RANBP17: variants seen among roughly 807,000 people sequenced by gnomAD.
RANBP17 encodes RAN binding protein 17.
In RANBP17, 158 loss-of-function variants were observed where a neutral mutation model predicts 141.2. That is an observed-to-expected ratio of 1.12 (90% CI 0.98 to 1.28). The LOEUF is 1.28. RANBP17 is among the 50% of genes most tolerant of loss of function. The pLI, the probability that RANBP17 is intolerant of heterozygous loss-of-function variation, is 0.00. For synonymous variants in RANBP17, 430 were observed against 450.0 expected, an observed-to-expected ratio of 0.96 and a Z score of 0.56; for missense variants, 1,438 against 1,290.7, an observed-to-expected ratio of 1.11 and a Z score of -1.75.
At chr5:170,994,272 AT>A in intron 14 of RANBP17, among the ~76,000 whole-genome samples, 1 of 152,030 alleles carries the variant, frequency 6.6e-6, no homozygotes, top group South Asian at 2.1e-4. Flanking sequence ...AAGGAAAATT[AT>A]TTGAATTGGT....
rs1772776594 is a variant in RANBP17 at position 170,924,729 on chromosome 5, T to G, written c.1468+179T>G. On this transcript the variant is annotated intron_variant, in intron 12 of 27. Transcript: ENST00000523189. ...TTGGTAATTTGTTGGTTGATTTTTT[T>G]TTTTTTCAGTTTTCCTCTATAAGAT... The G allele has an allele frequency of 6.5e-6, 3 of 464,850 alleles. No individual in the cohort carries two copies. The South Asian group carries it at 1.5e-4, about 23-fold the overall frequency. The allele number at this position is 464,850 out of a possible 1,614,324, so 28.8% of individuals were successfully genotyped here.
At chr5:171,057,425 C>CT (rs1783468681) in intron 14 of RANBP17, among the ~76,000 whole-genome samples, 1 of 151,748 alleles carries the variant, frequency 6.6e-6, no homozygotes, top group Non-Finnish European at 1.5e-5. Flanking sequence ...TTGCATTTTG[C>CT]TTTTTTCACT....
At chr5:171,023,264 A>G (rs1005776482) in intron 14 of RANBP17, among the ~76,000 whole-genome samples, 8 of 152,164 alleles carry the variant, frequency 5.3e-5, no homozygotes, top group African/African-American at 1.9e-4. Flanking sequence ...TACTTCCTCA[A>G]TGGTATTACA....
chr5:171,041,231 TA>T lies in RANBP17; in HGVS notation c.1710+72856del, dbSNP rs1351959412. Among the ~76,000 whole-genome samples, 8 of 152,096 alleles carry T rather than the reference TA, an allele frequency of 5.3e-5. 1 individual carries two copies. Among genetic ancestry groups the T allele is most frequent in the Non-Finnish European group, 1.0e-4 (7 of 68,016 alleles). ...CTGTAAAAATTGGGGGTCATGTTAT[TA>T]ATTATTTGTTATTTATTTATTATTA... On this transcript the variant is annotated intron_variant, in intron 14 of 27. Transcript: ENST00000523189.
Position 170,968,386 on chromosome 5 carries a change from CT to C in RANBP17, c.1710+10del. ...TTCAAAGAACCTCAAAGGTAGGTTTCTACTAGAGAGTTTAAAACATGTTATT... is the reference window on the plus strand; with the variant it reads ...TTCAAAGAACCTCAAAGGTAGGTTTCACTAGAGAGTTTAAAACATGTTATT... On this transcript the variant is annotated intron_variant, in intron 14 of 27. Coordinates refer to ENST00000523189, the MANE Select transcript of RANBP17 (RefSeq NM_022897.5). 6.2e-7 allele frequency: 1 copy of C among 1,602,558 alleles called. No individual in the cohort carries two copies. The highest frequency in any genetic ancestry group is 8.5e-7 in the Non-Finnish European group (1 of 1,174,608).
intron 23 of RANBP17, 109 bp downstream of exon 23, chr5:171,241,251 G>A (rs186890030): frequency 2.6e-6 from 2 of 760,996 alleles, no homozygotes; most frequent in Admixed American, 2.8e-5. Context: ...AACATTTTAT[G>A]TTTTAAGACA....
At chr5:171,059,058 T>C (rs1361347588) in intron 14 of RANBP17, among the ~76,000 whole-genome samples, 1 of 151,860 alleles carries the variant, frequency 6.6e-6, no homozygotes, top group Non-Finnish European at 1.5e-5. Context: ...AGATTCTGGA[T>C]ATTAGCCCTT....
intron 14 of RANBP17, among the ~76,000 whole-genome samples, chr5:171,146,175 C>A (rs946791494): frequency 3.3e-5 from 5 of 152,004 alleles, no homozygotes; most frequent in Non-Finnish European, 5.9e-5. Flanking sequence ...AGGATAAAGA[C>A]CTAATTTATC....
At chr5:171,149,588 G>C (rs569914919) in intron 14 of RANBP17, among the ~76,000 whole-genome samples, 1 of 152,300 alleles carries the variant, frequency 6.6e-6, no homozygotes, top group African/African-American at 2.4e-5. Context: ...CTTTCTTACA[G>C]TGTCCAGAAG....
At chr5:170,896,646 A>G (rs977394831) in intron 5 of RANBP17, among the ~76,000 whole-genome samples, 2 of 152,248 alleles carry the variant, frequency 1.3e-5, no homozygotes, top group East Asian at 1.9e-4. Flanking sequence ...CCTGGCCAAC[A>G]TGGAGAAACC....
At chr5:171,191,303 T>C (rs866835288) in intron 18 of RANBP17, among the ~76,000 whole-genome samples, 1 of 152,074 alleles carries the variant, frequency 6.6e-6, no homozygotes. Context: ...TAAAAATATA[T>C]AGTTTATAAA....
intron 14 of RANBP17, among the ~76,000 whole-genome samples, chr5:171,143,884 A>G (rs976959198): frequency 3.3e-5 from 5 of 152,218 alleles, no homozygotes; most frequent in African/African-American, 9.6e-5. Context: ...AGGGAACAGT[A>G]GACAGAAAGC....
intron 14 of RANBP17, among the ~76,000 whole-genome samples, chr5:170,993,156 A>G (rs907892310): frequency 3.9e-5 from 6 of 152,062 alleles, no homozygotes; most frequent in African/African-American, 1.2e-4. Flanking sequence ...CTTGTCCATT[A>G]TATGTTAAAC....
At chr5:171,282,732 G>A (rs748596654) in intron 25 of RANBP17, among the ~76,000 whole-genome samples, 1 of 151,850 alleles carries the variant, frequency 6.6e-6, no homozygotes, top group Admixed American at 6.6e-5. Flanking sequence ...CACCTGCCTC[G>A]GCCTCCCAAA....
At chr5:171,035,327 A>G (rs1005753341) in intron 14 of RANBP17, among the ~76,000 whole-genome samples, 5 of 152,168 alleles carry the variant, frequency 3.3e-5, no homozygotes, top group African/African-American at 1.2e-4. Context: ...ATAAGAAATT[A>G]AACATGATAC....
intron 24 of RANBP17, chr5:171,252,601 T>C: frequency 7.4e-7 from 1 of 1,354,400 alleles, no homozygotes; most frequent in South Asian, 1.2e-5. Context: ...GAGATTTAAA[T>C]ATAAGGATCA....
At chr5:171,052,955 C>A (rs1400900773) in intron 14 of RANBP17, among the ~76,000 whole-genome samples, 2 of 44,632 alleles carry the variant, frequency 4.5e-5, no homozygotes, top group Admixed American at 2.4e-4. Context: ...TGGGTTCAAG[C>A]GATTATCCTG....
At chr5:170,916,718 T>C (rs992964404) in intron 9 of RANBP17, 134 bp downstream of exon 9, 23 of 21,482 alleles carry the variant, frequency 1.1e-3, no homozygotes, top group Non-Finnish European at 2.8e-3. Flanking sequence ...TCCTTAGAGC[T>C]TTTTTTTTTT....
intron 14 of RANBP17, among the ~76,000 whole-genome samples, chr5:170,990,883 C>G (rs1247860830): frequency 6.6e-6 from 1 of 151,864 alleles, no homozygotes; most frequent in South Asian, 2.1e-4. Context: ...ATGAGGGATA[C>G]AATAGCGTTA....
Sources: gnomAD v4.1 joint callset for allele counts (sites outside exome capture counted in the v4.1 genomes callset) on GRCh38, gnomAD v4.1.1 for gene constraint, MANE v1.5 for transcripts, NCBI Gene and HGNC (gene_info 2026-07-23, HGNC 2026-07-21) for gene names.